CYSLTR2: variants seen among roughly 807,000 people sequenced by gnomAD.
CYSLTR2 encodes cysteinyl leukotriene receptor 2.
For synonymous variants in CYSLTR2, 179 were observed against 160.8 expected (o/e 1.11, Z -0.86); for missense variants, 398 against 411.9 (o/e 0.97, Z 0.29).
chr13:48,706,001 T>TG (rs1331930411), intron 4 of CYSLTR2, among the ~76,000 whole-genome samples: 2 of 148,024 alleles, frequency 1.4e-5, no homozygotes, highest in Non-Finnish European at 3.0e-5. Flanking sequence ...TTGTTGTTGT[T>TG]TTTTTTTTTT....
At chr13:48,702,385 G>T (rs145237307) in intron 4 of CYSLTR2, among the ~76,000 whole-genome samples, 1 of 152,096 alleles carries the variant, frequency 6.6e-6, no homozygotes, top group African/African-American at 2.4e-5. Flanking sequence ...TTGTGCACAC[G>T]TACCCTAGAA....
rs1479128249 is a variant in CYSLTR2 at position 48,708,231 on chromosome 13, C to G, written c.*373C>G. ...CCCCAGCTTCTCCAGCTCCCCTGTC[C>G]TCTTCAATCCCTTGAGATATAGCCA... is the stretch of plus-strand genomic sequence containing the variant. On this transcript the variant is annotated 3_prime_UTR_variant, in exon 5 of 5. Transcript: ENST00000682523. 5.6e-6 allele frequency: 1 copy of G among 180,002 alleles called. No homozygotes were observed. The highest frequency in any genetic ancestry group is 1.3e-5 in the Non-Finnish European group (1 of 76,656). 11.2% of individuals were successfully genotyped at this position (180,002 alleles called of 1,614,324 possible).
chr13:48,654,617 A>G (rs1419836509), intron 1 of CYSLTR2, among the ~76,000 whole-genome samples: 1 of 152,088 alleles, frequency 6.6e-6, no homozygotes, highest in East Asian at 1.9e-4. Flanking sequence ...ATATATTTCA[A>G]TGGTTTTGCT....
In CYSLTR2 at chr13:48,689,758, A is replaced by T. The variant is rs148423621; in HGVS notation, c.-265-1454A>T. ...TGGGCTCTTTTTTGGTTCCATATGAAATTTAAAGTAGTTTTTTTTCTAATT... is the reference window on the plus strand; with the variant it reads ...TGGGCTCTTTTTTGGTTCCATATGATATTTAAAGTAGTTTTTTTTCTAATT... On this transcript the variant is annotated intron_variant, in intron 1 of 4. Coordinates refer to ENST00000682523, the MANE Select transcript of CYSLTR2 (RefSeq NM_001308476.3). Among the ~76,000 whole-genome samples, 1,326 of 152,244 alleles carry T rather than the reference A, an allele frequency of 8.7e-3. 21 individuals are homozygous for T. Among genetic ancestry groups the T allele is most frequent in the African/African-American group, 0.03 (1,245 of 41,544 alleles).
chr13:48,665,754 A>C (rs1953245888), intron 1 of CYSLTR2, among the ~76,000 whole-genome samples: 1 of 152,050 alleles, frequency 6.6e-6, no homozygotes, highest in South Asian at 2.1e-4. Context: ...TGTGTTTTTA[A>C]AATCTATTAG....
intron 1 of CYSLTR2, among the ~76,000 whole-genome samples, chr13:48,662,146 TG>T (rs1264077765): frequency 1.6e-4 from 25 of 152,362 alleles, no homozygotes; most frequent in Non-Finnish European, 5.9e-5. Flanking sequence ...CTTAACATAA[TG>T]TCCTCCATTT....
At chr13:48,705,192 A>C (rs924437919) in intron 4 of CYSLTR2, among the ~76,000 whole-genome samples, 3 of 152,156 alleles carry the variant, frequency 2.0e-5, no homozygotes, top group Non-Finnish European at 4.4e-5. Context: ...GTCTCTGGCA[A>C]TGTCATTTGC....
chr13:48,678,287 G>C (rs1052276152), intron 1 of CYSLTR2, among the ~76,000 whole-genome samples: 10 of 152,000 alleles, frequency 6.6e-5, no homozygotes, highest in African/African-American at 2.4e-4. Context: ...GGAATTACAG[G>C]CATGACCACC....
Position 48,709,922 on chromosome 13 carries a change from A to T in CYSLTR2, c.*2064A>T, listed in dbSNP as rs900362939. The T allele has an allele frequency of 2.0e-5, 3 of 152,304 alleles. No homozygotes were observed. The highest frequency in any genetic ancestry group is 1.3e-4 in the Admixed American group (2 of 15,298). 9.4% of individuals were successfully genotyped at this position (152,304 alleles called of 1,614,324 possible). A position where few individuals can be genotyped will look rare whatever the true frequency, so the allele number is the denominator to read the frequency against. On this transcript the variant is annotated 3_prime_UTR_variant, in exon 5 of 5. Coordinates refer to ENST00000682523, the MANE Select transcript of CYSLTR2 (RefSeq NM_001308476.3). ...AGAGATGTCTCCCAGAAAAAGAAGA[A>T]ATTAATTGATTCATACACATTGAGA...
chr13:48,703,643 A>C (rs1954408137), intron 4 of CYSLTR2, among the ~76,000 whole-genome samples: 1 of 152,092 alleles, frequency 6.6e-6, no homozygotes, highest in South Asian at 2.1e-4. Flanking sequence ...TGCTAAGAGT[A>C]TTTTGCACCT....
rs535417302 is a variant in CYSLTR2 at position 48,688,260 on chromosome 13, CTCT to C, written c.-265-2944_-265-2942del. On this transcript the variant is annotated intron_variant, in intron 1 of 4. Transcript: ENST00000682523. ...AGGGGTTCTTGTAGTGTCAAGATAC[CTCT>C]TCTTCTTTTTTTTTAATTATACTTT... 9.2e-4 allele frequency among the ~76,000 whole-genome samples: 140 copies of C among 152,048 alleles called. 1 individual carries two copies. The highest frequency in any genetic ancestry group is 3.1e-3 in the African/African-American group (128 of 41,482).
At chr13:48,695,409 C>CTCTT (rs1594008261) in intron 3 of CYSLTR2, among the ~76,000 whole-genome samples, 1 of 145,176 alleles carries the variant, frequency 6.9e-6, no homozygotes, top group Non-Finnish European at 1.5e-5. Context: ...CTCTCTCTTT[C>CTCTT]TCTCTCTCTC....
intron 1 of CYSLTR2, among the ~76,000 whole-genome samples, chr13:48,683,707 C>G (rs1044374383): frequency 6.6e-6 from 1 of 152,010 alleles, no homozygotes; most frequent in African/African-American, 2.4e-5. Context: ...TTGATAGTTT[C>G]TTTTGCTGTG....
chr13:48,694,181 A>T (rs974886620), intron 3 of CYSLTR2, among the ~76,000 whole-genome samples: 1 of 152,114 alleles, frequency 6.6e-6, no homozygotes, highest in Admixed American at 6.6e-5. Flanking sequence ...AGAAACGAAA[A>T]AAACAGTAGT....
rs368547374 is a variant in CYSLTR2 at position 48,688,400 on chromosome 13, G to A, written c.-265-2812G>A. 6.0e-4 allele frequency among the ~76,000 whole-genome samples: 91 copies of A among 152,166 alleles called. 1 individual carries two copies. The East Asian group carries it at 6.0e-3, about 10-fold the overall frequency. ...TTAGGTATTTCTCCTAAGGCTATCC[G>A]TCCTCTAGCCACCCACTGGCCAATA... On this transcript the variant is annotated intron_variant, in intron 1 of 4. Coordinates refer to ENST00000682523, the MANE Select transcript of CYSLTR2 (RefSeq NM_001308476.3).
chr13:48,705,704 A>G (rs1420594262), intron 4 of CYSLTR2, among the ~76,000 whole-genome samples: 1 of 150,130 alleles, frequency 6.7e-6, no homozygotes, highest in East Asian at 1.9e-4. Flanking sequence ...AAAACTTCTT[A>G]TTTCCTCTTA....
At chr13:48,677,802 C>G (rs748058262) in intron 1 of CYSLTR2, among the ~76,000 whole-genome samples, 1 of 152,018 alleles carries the variant, frequency 6.6e-6, no homozygotes, top group Non-Finnish European at 1.5e-5. Context: ...TTATTAGCTT[C>G]CTGCCTTCAG....
intron 1 of CYSLTR2, among the ~76,000 whole-genome samples, chr13:48,684,142 T>G (rs1953835082): frequency 6.6e-6 from 1 of 152,076 alleles, no homozygotes; most frequent in African/African-American, 2.4e-5. Context: ...TTGGCCAGGC[T>G]GATCTTGAAC....
intron 1 of CYSLTR2, among the ~76,000 whole-genome samples, chr13:48,680,342 A>T (rs1190372519): frequency 1.3e-5 from 2 of 152,212 alleles, no homozygotes; most frequent in Admixed American, 1.3e-4. Context: ...TTTTCTAAGT[A>T]TAAATAAAAA....
Sources: allele counts gnomAD v4.1 joint callset (sites outside exome capture counted in the v4.1 genomes callset), GRCh38; gene constraint gnomAD v4.1.1; transcripts MANE v1.5; gene names NCBI Gene and HGNC (gene_info 2026-07-23, HGNC 2026-07-21).